Variants in CPT2 observed in about 807,000 individuals in gnomAD.
CPT2 encodes carnitine O-palmitoyltransferase 2, mitochondrial.
A neutral mutation model predicts 48.6 loss-of-function variants in CPT2; 37 were observed. The observed-to-expected ratio is 0.76, with a 90% CI of 0.59 to 1.00. The LOEUF is 1.00. Among genes scored for constraint, CPT2 ranks in the 50% least tolerant of loss-of-function variants. CPT2 has a pLI of 0.00. For missense variants in CPT2, 772 were observed against 825.6 expected, an observed-to-expected ratio of 0.94 and a Z score of 0.80; for synonymous variants, 319 against 326.9, an observed-to-expected ratio of 0.98 and a Z score of 0.26.
chr1:53,197,073 C>T lies in CPT2; in HGVS notation c.130C>T (p.His44Tyr), dbSNP rs995114769. ...GCAGCGCAGCATCGTGCCCACCATG[C>T]ACTACCAGGACAGCCTGCCCAGGTG... ...YLQRSIVPTM[H>Y]YQDSLPRLPI... Residue 44 changes from histidine (H) to tyrosine (Y), a missense_variant, in exon 1 of 5, where the codon CAC becomes TAC. Coordinates refer to ENST00000371486, the MANE Select transcript of CPT2 (RefSeq NM_000098.3). 34 of 1,539,188 alleles carry T rather than the reference C, an allele frequency of 2.2e-5. No individual in the cohort carries two copies. Among genetic ancestry groups the T allele is most frequent in the Non-Finnish European group, 2.8e-5 (32 of 1,146,502 alleles).
chr1:53,211,001 AT>A lies in CPT2; in HGVS notation c.1329del (p.Ile443MetfsTer14). On this transcript the variant is annotated frameshift_variant, in exon 4 of 5. Transcript: ENST00000371486. LOFTEE classifies it high-confidence loss of function. ...TGATGCCACCATGAAAACCCTCACT[AT>A]TGACTGCGTCCAGTTTCAGAGAGGA... ...KFDATMKTLT[I>X]DCVQFQRGGK... 1 of 1,614,130 alleles carries A rather than the reference AT, an allele frequency of 6.2e-7. No homozygotes were observed. The highest frequency in any genetic ancestry group is 2.2e-5 in the East Asian group (1 of 44,868).
chr1:53,208,823 C>G (rs1011840411), intron 3 of CPT2: 2 of 152,054 alleles, frequency 1.3e-5, no homozygotes, highest in Admixed American at 6.5e-5. Flanking sequence ...AAATGCAAAC[C>G]AAATCTGCAA....
chr1:53,196,882 T>G lies in CPT2; in HGVS notation c.-62T>G, dbSNP rs953781757. On this transcript the variant is annotated 5_prime_UTR_variant, in exon 1 of 5. Coordinates refer to ENST00000371486, the MANE Select transcript of CPT2 (RefSeq NM_000098.3). The stretch of plus-strand genomic sequence containing the variant: ...TTGGGCGCTAACGGCGGCGGCGGCC[T>G]TGTGTTTAGACTCCAGAACTCCCCA... 6.6e-7 allele frequency: 1 copy of G among 1,522,164 alleles called. No homozygotes were observed. The highest frequency in any genetic ancestry group is 1.4e-5 in the African/African-American group (1 of 71,124). 94.3% of individuals were successfully genotyped at this position (1,522,164 alleles called of 1,614,324 possible).
intron 3 of CPT2, chr1:53,203,796 T>TC (rs1557714621): frequency 1.3e-5 from 2 of 150,944 alleles, no homozygotes; most frequent in Non-Finnish European, 3.0e-5. Flanking sequence ...TTTTTTTTTT[T>TC]AAATCAGAGC....
chr1:53,202,894 C>A (rs968902655), intron 3 of CPT2: 4 of 172,926 alleles, frequency 2.3e-5, no homozygotes, highest in Non-Finnish European at 2.5e-5. Flanking sequence ...TTTTGCCTGG[C>A]AAATTCTTCT....
In CPT2 at chr1:53,197,002, C is replaced by G. The variant is rs533282672; in HGVS notation, c.59C>G (p.Ala20Gly). 1.4e-5 allele frequency: 22 copies of G among 1,532,686 alleles called. No individual in the cohort carries two copies. Among genetic ancestry groups the G allele is most frequent in the Non-Finnish European group, 1.9e-5 (22 of 1,144,524 alleles). The allele number at this position is 1,532,686 out of a possible 1,614,324, so 94.9% of individuals were successfully genotyped here. ...WPRGPAVGPG[A>G]PSRPLSAGSG... The stretch of plus-strand genomic sequence containing the variant: ...CGGGGCCCCGCGGTTGGTCCGGGAG[C>G]CCCCAGTCGGCCCCTCAGCGCCGGC... Residue 20 changes from alanine to glycine, a missense_variant, in exon 1 of 5, where the codon GCC becomes GGC. Transcript: ENST00000371486.
intron 1 of CPT2, among the ~76,000 whole-genome samples, chr1:53,198,458 G>A (rs547414753): frequency 6.6e-6 from 1 of 152,318 alleles, no homozygotes; most frequent in African/African-American, 2.4e-5. Context: ...TTATCTACAC[G>A]TGGCAGGAGG....
At chr1:53,212,995 A>AAC in intron 4 of CPT2, among the ~76,000 whole-genome samples, 1 of 152,298 alleles carries the variant, frequency 6.6e-6, no homozygotes, top group Non-Finnish European at 1.5e-5. Context: ...CATCTTTAAA[A>AAC]TTATGCTTTC....
intron 3 of CPT2, among the ~76,000 whole-genome samples, chr1:53,206,302 C>G (rs1645389444): frequency 6.6e-6 from 1 of 152,188 alleles, no homozygotes; most frequent in Admixed American, 6.5e-5. Flanking sequence ...AGATCCTCTA[C>G]TAGGGCAATG....
In CPT2 at chr1:53,213,418, G is replaced by T. The variant is rs762584123; in HGVS notation, c.1800G>T (p.Gly600=). ...TGAGCAGCCCAGCAGTGAACCTTGGGGGCTTTGCCCCTGTGGTCTCTGATG... is the reference window on the plus strand; with the variant it reads ...TGAGCAGCCCAGCAGTGAACCTTGGTGGCTTTGCCCCTGTGGTCTCTGATG... ...STLSSPAVNL[G]GFAPVVSDGF... is the part of the protein sequence containing the mutation. The change falls in exon 5 of 5, where the codon GGG becomes GGT. Residue 600 remains glycine (G), a synonymous_variant. Transcript: ENST00000371486. 7 of 1,614,230 alleles carry T rather than the reference G, an allele frequency of 4.3e-6. No homozygotes were observed. The highest frequency in any genetic ancestry group is 5.9e-6 in the Non-Finnish European group (7 of 1,180,048).
At chr1:53,199,427 C>T (rs1645342444) in intron 1 of CPT2, among the ~76,000 whole-genome samples, 1 of 152,180 alleles carries the variant, frequency 6.6e-6, no homozygotes, top group South Asian at 2.1e-4. Context: ...TGGACTCGAG[C>T]AATCTGCCTG....
At chr1:53,213,243 T>G in intron 4 of CPT2, 21 bp from the exon 5 acceptor site, 1 of 1,613,640 alleles carries the variant, frequency 6.2e-7, no homozygotes, top group Non-Finnish European at 8.5e-7. Context: ...AGACTCTGGT[T>G]TTCCATTTTG....
rs758337938 is a variant in CPT2 at position 53,210,507 on chromosome 1, C to T, written c.833C>T (p.Ser278Leu). Residue 278 changes from serine (S) to leucine (L), a missense_variant, in exon 4 of 5, where the codon TCA becomes TTA. By Grantham distance (145) the Ser-to-Leu change is moderately radical (BLOSUM62 -2). Coordinates refer to ENST00000371486, the MANE Select transcript of CPT2 (RefSeq NM_000098.3). ...EIQAHLKYIL[S>L]DSSPAPEFPL... ...CAGGCACATCTGAAGTACATTCTCT[C>T]AGACAGCAGCCCCGCCCCCGAGTTT... is the stretch of plus-strand genomic sequence containing the variant. 9 of 1,613,986 alleles carry T rather than the reference C, an allele frequency of 5.6e-6. No homozygotes were observed. The Admixed American group carries it at 1.3e-4, about 24-fold the overall frequency.
intron 3 of CPT2, chr1:53,204,401 A>G (rs972772436): frequency 1.3e-5 from 2 of 151,454 alleles, no homozygotes; most frequent in African/African-American, 2.4e-5. Context: ...TTTTCTTCTT[A>G]TGGTGTTCTT....
At chr1:53,204,824 G>A (rs1469177977) in intron 3 of CPT2, among the ~76,000 whole-genome samples, 1 of 152,126 alleles carries the variant, frequency 6.6e-6, no homozygotes, top group Non-Finnish European at 1.5e-5. Flanking sequence ...CCACTTGTTC[G>A]CTTTCTCTCC....
intron 3 of CPT2, chr1:53,208,960 A>G (rs528944424): frequency 3.3e-4 from 51 of 152,364 alleles, no homozygotes; most frequent in African/African-American, 1.2e-3. Flanking sequence ...CACTTTGGAA[A>G]ACATCCTGGC....
intron 4 of CPT2, among the ~76,000 whole-genome samples, chr1:53,212,519 T>C (rs1645435896): frequency 6.6e-6 from 1 of 152,222 alleles, no homozygotes; most frequent in African/African-American, 2.4e-5. Flanking sequence ...TACTGATTGG[T>C]TATCAGACTC....
intron 4 of CPT2, chr1:53,212,880 C>A (rs1645438575): frequency 4.3e-6 from 2 of 463,454 alleles, no homozygotes; most frequent in Non-Finnish European, 7.6e-6. Flanking sequence ...TCCACTGACT[C>A]AATCTTCTCT....
At chr1:53,202,570 G>C in intron 3 of CPT2, 141 bp downstream of exon 3, 1 of 724,998 alleles carries the variant, frequency 1.4e-6, no homozygotes, top group Admixed American at 2.0e-5. Flanking sequence ...CCCTTCCTGA[G>C]GTAAATTAAG....
Sources: allele counts gnomAD v4.1 joint callset (sites outside exome capture counted in the v4.1 genomes callset), GRCh38; gene constraint gnomAD v4.1.1; transcripts MANE v1.5; gene names NCBI Gene and HGNC (gene_info 2026-07-23, HGNC 2026-07-21).